Variants in SERINC2 observed in about 807,000 individuals in gnomAD.
SERINC2 encodes tumor differentially expressed protein 2.
Under a neutral mutation model 54.2 loss-of-function variants are expected in SERINC2, and 56 were observed. The ratio of observed to expected loss-of-function variants is 1.03; its 90% confidence interval spans 0.83 to 1.29. The LOEUF (loss-of-function observed/expected upper bound fraction) is 1.29, where lower values mean the gene tolerates loss of function less well. SERINC2 is among the 50% of genes most tolerant of loss of function. The pLI, the probability that SERINC2 is intolerant of heterozygous loss-of-function variation, is 0.00. For synonymous variants in SERINC2, 272 were observed against 253.1 expected (o/e 1.07, Z -0.71); for missense variants, 614 against 607.4 (o/e 1.01, Z -0.12).
chr1:31,429,033 T>A lies in SERINC2; in HGVS notation c.836T>A (p.Met279Lys). The part of the protein sequence containing the change: ...LQASVITLYT[M>K]FVTWSALSSI... ...GCCTCGGTCATCACCCTCTACACCA[T>A]GTTTGTCACCTGGTCAGCCCTATCC... The change falls in exon 7 of 10, where the codon ATG becomes AAG. Residue 279 changes from methionine to lysine, a missense_variant. Met to Lys is a moderately conservative substitution (Grantham distance 95). Coordinates refer to ENST00000373709, the MANE Select transcript of SERINC2 (RefSeq NM_178865.5). 3 of 1,613,942 alleles carry A rather than the reference T, an allele frequency of 1.9e-6. No individual in the cohort carries two copies. The highest frequency in any genetic ancestry group is 2.5e-6 in the Non-Finnish European group (3 of 1,179,916).
chr1:31,430,659 G>A (rs1553134328), intron 8 of SERINC2, among the ~76,000 whole-genome samples: 1 of 152,202 alleles, frequency 6.6e-6, no homozygotes, highest in African/African-American at 2.4e-5. Context: ...GTGAACATTT[G>A]TATATTAGTA....
Position 31,431,795 on chromosome 1 carries a change from A to ATAGGGTGGT in SERINC2, c.1014-1164_1014-1163insTTAGGGTGG, listed in dbSNP as rs1557499808. 3.0e-3 allele frequency among the ~76,000 whole-genome samples: 147 copies of ATAGGGTGGT among 49,754 alleles called. 10 individuals are homozygous for ATAGGGTGGT. Among genetic ancestry groups the ATAGGGTGGT allele is most frequent in the African/African-American group, 6.9e-3 (141 of 20,416 alleles). The allele number at this position is 49,754 out of a possible 152,430, so 32.6% of individuals were successfully genotyped here. On this transcript the variant is annotated intron_variant, in intron 8 of 9. Coordinates refer to ENST00000373709, the MANE Select transcript of SERINC2 (RefSeq NM_178865.5). ...AGGGTGAATAGGGTGGATAGGGTGG[A>ATAGGGTGGT]TAGGGTGGACAGGGTGGACAGGGTG...
chr1:31,432,564 G>A (rs371538770), intron 8 of SERINC2, among the ~76,000 whole-genome samples: 1 of 152,120 alleles, frequency 6.6e-6, no homozygotes, highest in African/African-American at 2.4e-5. Flanking sequence ...ACCTGGTATG[G>A]TACTTTGTAG....
intron 8 of SERINC2, among the ~76,000 whole-genome samples, chr1:31,432,039 C>CAGGGTGGTT (rs1641266623): frequency 1.3e-4 from 2 of 15,516 alleles, no homozygotes; most frequent in Admixed American, 7.0e-4. Context: ...ACAGGGTGGA[C>CAGGGTGGTT]AGGGTGGACA....
At chr1:31,410,175 G>A (rs1267928587), upstream of SERINC2, 8 of 1,434,236 alleles carry the variant, frequency 5.6e-6, no homozygotes, top group Non-Finnish European at 7.3e-6. Context: ...TGACTTGCCA[G>A]TATCACATAG....
At position 31,425,840 on chromosome 1, in the gene SERINC2, C is replaced by T. The variant is rs2275434; in HGVS notation, c.537C>T (p.Ile179=). ...TCCTCATCCAGCTGGTGCTGCTCAT[C>T]GACTTTGCGCACTCCTGGAACCAGC... is the stretch of plus-strand genomic sequence containing the variant. ...LFILIQLVLL[I]DFAHSWNQRW... The change falls in exon 5 of 10, where the codon ATC becomes ATT. Residue 179 remains isoleucine (I), a synonymous_variant. Coordinates refer to ENST00000373709, the MANE Select transcript of SERINC2 (RefSeq NM_178865.5). 72,495 of 1,613,604 alleles carry T rather than the reference C, an allele frequency of 0.045. 2,550 individuals carry two copies. The highest frequency in any genetic ancestry group is 0.17 in the Admixed American group (10,485 of 59,982).
intron 7 of SERINC2, 138 bp from the exon 8 acceptor site, chr1:31,429,259 C>A (rs1054241018): frequency 8.8e-7 from 1 of 1,140,504 alleles, no homozygotes; most frequent in Non-Finnish European, 1.3e-6. Context: ...GACTGCTGAG[C>A]GCTCTGTTGC....
chr1:31,432,164 A>ATAGGGTGGAGAGGGTGGTTAGGGTGGT (rs1641303909), intron 8 of SERINC2, among the ~76,000 whole-genome samples: 1 of 82,438 alleles, frequency 1.2e-5, no homozygotes, highest in Admixed American at 1.3e-4. Context: ...GACAGGGTGG[A>ATAGGGTGGAGAGGGTGGTTAGGGTGGT]TAGGGTGGAT....
rs1449211339 is a variant in SERINC2 at position 31,413,246 on chromosome 1, C to G, written c.-20C>G. On this transcript the variant is annotated 5_prime_UTR_variant, in exon 1 of 10. Transcript: ENST00000373709. The surrounding 1 kb of genome is among the most constrained non-coding windows in gnomAD (Gnocchi z 5.0). The stretch of plus-strand genomic sequence containing the variant: ...CGCCCCGCGCCCGGCGCCGGGCGCC[C>G]GAAGCCGGGAGCCGCCGCCATGGGG... The G allele has an allele frequency of 2.3e-5, 27 of 1,183,906 alleles. No individual in the cohort carries two copies. Among genetic ancestry groups the G allele is most frequent in the Middle Eastern group, 3.0e-4 (1 of 3,338 alleles). 73.3% of individuals were successfully genotyped at this position (1,183,906 alleles called of 1,614,324 possible).
At position 31,424,829 on chromosome 1, in the gene SERINC2, C is replaced by A. The variant is rs541817430; in HGVS notation, c.348C>A (p.Leu116=). ...AFFFFFTLLM[L]CVSSSRDPRA... is the part of the protein sequence containing the mutation. ...TCTTCTTTTTCACCCTGCTCATGCT[C>A]TGCGTGAGCAGCAGCCGGGACCCCC... Residue 116 remains leucine (L), a synonymous_variant, in exon 3 of 10, where the codon CTC becomes CTA. Transcript: ENST00000373709. The A allele has an allele frequency of 6.2e-7, 1 of 1,611,604 alleles. No homozygotes were observed. The highest frequency in any genetic ancestry group is 1.1e-5 in the South Asian group (1 of 90,884).
intron 8 of SERINC2, among the ~76,000 whole-genome samples, chr1:31,431,700 C>T: frequency 6.6e-6 from 1 of 151,498 alleles, no homozygotes; most frequent in Admixed American, 6.6e-5. Flanking sequence ...AGGGCCAGGA[C>T]CACCCAATCT....
chr1:31,412,528 G>C (rs1553131595), upstream of SERINC2, among the ~76,000 whole-genome samples: 4 of 152,158 alleles, frequency 2.6e-5, no homozygotes, highest in Non-Finnish European at 1.5e-5. Flanking sequence ...CAGTAGGTGG[G>C]CATGGTGGCA....
At chr1:31,414,181 A>C in intron 1 of SERINC2, 1 of 1,398,816 alleles carries the variant, frequency 7.1e-7, no homozygotes, top group Non-Finnish European at 9.2e-7. Context: ...TGGGGAGGCC[A>C]ACCTCTGTTC....
intron 1 of SERINC2, among the ~76,000 whole-genome samples, chr1:31,419,181 C>T (rs1175076585): frequency 3.9e-5 from 6 of 152,166 alleles, no homozygotes; most frequent in African/African-American, 1.4e-4. Flanking sequence ...CTTCCTTTCA[C>T]ACTGCATCAT....
chr1:31,414,124 A>T, intron 1 of SERINC2: 1 of 1,433,004 alleles, frequency 7.0e-7, no homozygotes, highest in Non-Finnish European at 9.1e-7. Context: ...GAATCGAGGG[A>T]GGTTCGGGTG....
In SERINC2 at chr1:31,425,883, G is replaced by T; in HGVS notation, c.580G>T (p.Glu194Ter). ...SWNQRWLGKA[E>*]ECDSRAWYAG... is the part of the protein sequence containing the mutation. ...GAACCAGCGGTGGCTGGGCAAGGCC[G>T]AGGAGTGCGATTCCCGTGCCTGGTA... is the stretch of plus-strand genomic sequence containing the variant. The change falls in exon 5 of 10, where the codon GAG (glutamate) becomes TAG (stop). Residue 194 changes from glutamate (E) to a stop codon, truncating the protein, a stop_gained. Transcript: ENST00000373709. LOFTEE classifies it high-confidence loss of function. 6.2e-7 allele frequency: 1 copy of T among 1,612,784 alleles called. No individual in the cohort carries two copies.
At position 31,413,285 on chromosome 1, in the gene SERINC2, C is replaced by T. The variant is rs1264224350; in HGVS notation, c.20C>T (p.Ala7Val). The T allele has an allele frequency of 1.9e-5, 24 of 1,270,944 alleles. No homozygotes were observed. The highest frequency in any genetic ancestry group is 4.4e-4 in the Middle Eastern group (2 of 4,596). The allele number at this position is 1,270,944 out of a possible 1,614,324, so 78.7% of individuals were successfully genotyped here. Residue 7 changes from alanine (A) to valine (V), a missense_variant, in exon 1 of 10, where the codon GCC (alanine) becomes GTC (valine). Ala to Val is a moderately conservative substitution (Grantham distance 64). Coordinates refer to ENST00000373709, the MANE Select transcript of SERINC2 (RefSeq NM_178865.5). This position sits in a 1 kb window ranked among gnomAD's most constrained non-coding sequence, Gnocchi z 5.0. Reference sequence around the variant, plus strand: ...GCCGCCATGGGGGCCTGCCTGGGAGCCTGCTCCCTGCTCAGCTGCGTGAGT... The same window carrying T: ...GCCGCCATGGGGGCCTGCCTGGGAGTCTGCTCCCTGCTCAGCTGCGTGAGT... MGACLG[A>V]CSLLSCASCL...
At chr1:31,422,808 T>C (rs1553132892) in intron 1 of SERINC2, among the ~76,000 whole-genome samples, 1 of 152,074 alleles carries the variant, frequency 6.6e-6, no homozygotes, top group Non-Finnish European at 1.5e-5. Flanking sequence ...TTTTCAGGTG[T>C]GGCATAGTGT....
At chr1:31,416,972 G>T (rs1296049753) in intron 1 of SERINC2, among the ~76,000 whole-genome samples, 2 of 152,110 alleles carry the variant, frequency 1.3e-5, no homozygotes, top group African/African-American at 4.8e-5. Context: ...CACTGGCCTC[G>T]GCCTCCCAAA....
Sources: allele counts gnomAD v4.1 joint callset (sites outside exome capture counted in the v4.1 genomes callset), GRCh38; gene constraint gnomAD v4.1.1; non-coding constraint Gnocchi (gnomAD v3.1); transcripts MANE v1.5; gene names NCBI Gene and HGNC (gene_info 2026-07-23, HGNC 2026-07-21).